Variants in QTMAN observed in about 807,000 individuals in gnomAD.
QTMAN encodes the protein tRNA-queuosine alpha-mannosyltransferase.
At chr2:144,064,561 G>A in the QTMAN span, among the ~76,000 whole-genome samples, 1 of 152,160 alleles carries the variant, frequency 6.6e-6, no homozygotes, top group East Asian at 1.9e-4. Context: ...TGCGTTTGAG[G>A]AGAACTCAAA....
chr2:144,235,898 C>T, the QTMAN span, among the ~76,000 whole-genome samples: 2 of 151,860 alleles, frequency 1.3e-5, no homozygotes, highest in African/African-American at 4.8e-5. Context: ...CTGAGTGCTT[C>T]TAAGGTTATT....
the QTMAN span, chr2:144,007,486 T>A: frequency 6.2e-7 from 1 of 1,609,616 alleles, no homozygotes; most frequent in Non-Finnish European, 8.5e-7. Flanking sequence ...CCATTTCCTT[T>A]AAGGCCGAGC....
chr2:144,258,702 A>G, the QTMAN span, among the ~76,000 whole-genome samples: 1 of 152,208 alleles, frequency 6.6e-6, no homozygotes, highest in Admixed American at 6.5e-5. Flanking sequence ...AAGTATATAG[A>G]TATAGACATA....
At chr2:144,230,891 T>A in the QTMAN span, among the ~76,000 whole-genome samples, 1 of 152,128 alleles carries the variant, frequency 6.6e-6, no homozygotes, top group East Asian at 1.9e-4. Context: ...CTCAAAAAGC[T>A]AAATGTCACT....
At chr2:144,166,235 C>A in the QTMAN span, among the ~76,000 whole-genome samples, 1 of 152,194 alleles carries the variant, frequency 6.6e-6, no homozygotes, top group Non-Finnish European at 1.5e-5. Context: ...TTGTATGCCA[C>A]TATTCCATGC....
the QTMAN span, among the ~76,000 whole-genome samples, chr2:144,260,723 T>C: frequency 1.3e-5 from 2 of 151,960 alleles, no homozygotes; most frequent in African/African-American, 4.8e-5. Context: ...TTATAAACCA[T>C]ACATGAAACA....
At chr2:144,052,038 T>A in the QTMAN span, among the ~76,000 whole-genome samples, 1 of 152,248 alleles carries the variant, frequency 6.6e-6, no homozygotes, top group Non-Finnish European at 1.5e-5. Context: ...CCTGTGTTCT[T>A]ACTGCCCCAA....
chr2:144,281,395 C>CAA, the QTMAN span, among the ~76,000 whole-genome samples: 746 of 60,532 alleles, frequency 0.012, 15 homozygotes, highest in African/African-American at 0.033. Context: ...ATTGTTATAG[C>CAA]AAAAAAAAAA....
chr2:144,285,055 T>C, the QTMAN span, among the ~76,000 whole-genome samples: 4 of 150,736 alleles, frequency 2.7e-5, no homozygotes, highest in African/African-American at 7.3e-5. Context: ...CAGTAAGCCA[T>C]GATCATGCCA....
the QTMAN span, among the ~76,000 whole-genome samples, chr2:144,051,708 T>A: frequency 2.0e-5 from 3 of 151,982 alleles, no homozygotes; most frequent in Non-Finnish European, 4.4e-5. Flanking sequence ...AGAGAGAAAA[T>A]GCTTCATGAA....
At chr2:144,304,134 G>C in the QTMAN span, among the ~76,000 whole-genome samples, 1 of 152,186 alleles carries the variant, frequency 6.6e-6, no homozygotes, top group Non-Finnish European at 1.5e-5. Context: ...ACAGAAGCCT[G>C]GAAGACAGGC....
At chr2:144,066,509 C>A in the QTMAN span, among the ~76,000 whole-genome samples, 6 of 152,198 alleles carry the variant, frequency 3.9e-5, no homozygotes, top group Non-Finnish European at 7.3e-5. Flanking sequence ...GTCCATCTAG[C>A]CTGCCTAAGA....
chr2:144,167,244 T>TTAA, the QTMAN span, among the ~76,000 whole-genome samples: 1 of 152,184 alleles, frequency 6.6e-6, no homozygotes, highest in Admixed American at 6.5e-5. Flanking sequence ...AGCCACACAC[T>TTAA]CTTCTCCTTA....
At chr2:143,940,832 T>C in the QTMAN span, 3 of 152,220 alleles carry the variant, frequency 2.0e-5, no homozygotes, top group African/African-American at 2.4e-5. Flanking sequence ...CGAAAGGCAA[T>C]AGAGAAGAGT....
the QTMAN span, chr2:144,007,258 T>C: frequency 2.5e-6 from 4 of 1,613,090 alleles, no homozygotes; most frequent in Non-Finnish European, 3.4e-6. Context: ...GGATCAACAG[T>C]CAGATTTTGT....
the QTMAN span, among the ~76,000 whole-genome samples, chr2:143,976,772 C>G: frequency 1.3e-5 from 2 of 152,226 alleles, no homozygotes; most frequent in Non-Finnish European, 2.9e-5. Flanking sequence ...CTTTCTCTAA[C>G]CCTACAGGTG....
At chr2:144,196,435 T>G in the QTMAN span, among the ~76,000 whole-genome samples, 3 of 152,118 alleles carry the variant, frequency 2.0e-5, no homozygotes, top group African/African-American at 4.8e-5. Flanking sequence ...GTATCAATAC[T>G]GGATATACAG....
At chr2:143,972,899 A>G in the QTMAN span, among the ~76,000 whole-genome samples, 1 of 152,202 alleles carries the variant, frequency 6.6e-6, no homozygotes, top group African/African-American at 2.4e-5. Flanking sequence ...GGGAACATAG[A>G]TTAGCCTGAA....
At chr2:144,231,890 GTGTT>G in the QTMAN span, among the ~76,000 whole-genome samples, 1 of 134,694 alleles carries the variant, frequency 7.4e-6, no homozygotes, top group South Asian at 2.5e-4. Context: ...GTGTGTGTGT[GTGTT>G]ATCTTTACTC....
Sources: allele counts gnomAD v4.1 joint callset (sites outside exome capture counted in the v4.1 genomes callset), GRCh38; gene constraint gnomAD v4.1.1; transcripts MANE v1.5; gene names NCBI Gene and HGNC (gene_info 2026-07-23, HGNC 2026-07-21).